Variants in TAS2R1 observed in about 807,000 individuals in gnomAD.
The protein encoded by TAS2R1 is taste receptor type 2 member 1.
For missense variants in TAS2R1, 370 were observed against 353.4 expected, an observed-to-expected ratio of 1.05 and a Z score of -0.38; for synonymous variants, 141 against 134.2, an observed-to-expected ratio of 1.05 and a Z score of -0.35.
chr5:9,800,232 A>G, the TAS2R1 span, among the ~76,000 whole-genome samples: 370 of 152,338 alleles, frequency 2.4e-3, 1 homozygote, highest in African/African-American at 8.6e-3. Context: ...TAACGACAAA[A>G]TTACGCAGCC....
the TAS2R1 span, among the ~76,000 whole-genome samples, chr5:9,718,525 C>T: frequency 6.6e-6 from 1 of 152,042 alleles, no homozygotes; most frequent in Non-Finnish European, 1.5e-5. Context: ...CAGTGGCTCA[C>T]ACCTGTAATC....
the TAS2R1 span, among the ~76,000 whole-genome samples, chr5:9,824,606 G>C: frequency 6.4e-4 from 97 of 152,236 alleles, no homozygotes; most frequent in African/African-American, 2.1e-3. Flanking sequence ...CAGCACTTTG[G>C]GGGGCCGAGG....
intron 1 of TAS2R1, among the ~76,000 whole-genome samples, chr5:9,660,414 T>G (rs1252235434): frequency 6.6e-6 from 1 of 152,032 alleles, no homozygotes; most frequent in Non-Finnish European, 1.5e-5. Context: ...GGGTCAAATA[T>G]GAACTCATTC....
chr5:9,648,401 C>A (rs1310322493), intron 2 of TAS2R1, among the ~76,000 whole-genome samples: 1 of 151,992 alleles, frequency 6.6e-6, no homozygotes, highest in Non-Finnish European at 1.5e-5. Context: ...ATTGTTCCTG[C>A]ATCATTTCAG....
upstream of TAS2R1, among the ~76,000 whole-genome samples, chr5:9,717,222 C>T (rs1734831909): frequency 6.6e-6 from 1 of 152,092 alleles, no homozygotes; most frequent in Non-Finnish European, 1.5e-5. Context: ...TGGGTGGGGC[C>T]AGAAGGGGTG....
chr5:9,850,167 TCCCTC>T, the TAS2R1 span, among the ~76,000 whole-genome samples: 2 of 151,866 alleles, frequency 1.3e-5, no homozygotes, highest in Non-Finnish European at 2.9e-5. Flanking sequence ...AACATCCTCT[TCCCTC>T]CTCTGGGCTT....
At chr5:9,806,070 C>T in the TAS2R1 span, among the ~76,000 whole-genome samples, 1 of 151,920 alleles carries the variant, frequency 6.6e-6, no homozygotes, top group Non-Finnish European at 1.5e-5. Context: ...AAAATTAACG[C>T]ACATAAATCA....
At chr5:9,834,738 ATGT>A in the TAS2R1 span, among the ~76,000 whole-genome samples, 1 of 141,934 alleles carries the variant, frequency 7.0e-6, no homozygotes, top group East Asian at 2.1e-4. Context: ...ATCTCTGTAA[ATGT>A]TATTACTGCA....
At chr5:9,789,391 C>T in the TAS2R1 span, among the ~76,000 whole-genome samples, 8 of 152,264 alleles carry the variant, frequency 5.3e-5, no homozygotes, top group Non-Finnish European at 1.0e-4. Flanking sequence ...GCAGATCCTT[C>T]GACAGATTTA....
At chr5:9,775,140 C>A in the TAS2R1 span, among the ~76,000 whole-genome samples, 4 of 152,040 alleles carry the variant, frequency 2.6e-5, no homozygotes, top group African/African-American at 9.7e-5. Flanking sequence ...GGCACCTAAA[C>A]CAAAAGACAA....
chr5:9,882,239 C>A, the TAS2R1 span, among the ~76,000 whole-genome samples: 1 of 152,020 alleles, frequency 6.6e-6, no homozygotes, highest in Non-Finnish European at 1.5e-5. Flanking sequence ...GGCCATCAAA[C>A]ATATGAAAAA....
At chr5:9,735,661 A>G in the TAS2R1 span, among the ~76,000 whole-genome samples, 2 of 152,188 alleles carry the variant, frequency 1.3e-5, no homozygotes, top group Admixed American at 6.5e-5. Context: ...GGTGAAAACT[A>G]CAGTTGCGAT....
At chr5:9,631,851 ACT>A (rs1739878806), upstream of TAS2R1, among the ~76,000 whole-genome samples, 1 of 152,084 alleles carries the variant, frequency 6.6e-6, no homozygotes, top group African/African-American at 2.4e-5. Flanking sequence ...TCTTGGACTC[ACT>A]CTGTTCTTCC....
chr5:9,790,887 A>C, the TAS2R1 span, among the ~76,000 whole-genome samples: 1 of 151,918 alleles, frequency 6.6e-6, no homozygotes, highest in Non-Finnish European at 1.5e-5. Flanking sequence ...TGATCCACCC[A>C]CTTCTGCCTC....
At chr5:9,819,270 T>C in the TAS2R1 span, among the ~76,000 whole-genome samples, 2 of 152,168 alleles carry the variant, frequency 1.3e-5, no homozygotes, top group African/African-American at 4.8e-5. Context: ...TTGTGGTTCT[T>C]AAAGCAAAGG....
At chr5:9,778,879 G>T in the TAS2R1 span, among the ~76,000 whole-genome samples, 2 of 152,220 alleles carry the variant, frequency 1.3e-5, no homozygotes, top group Non-Finnish European at 2.9e-5. Flanking sequence ...TATCATTCGT[G>T]TGTTCACGGG....
intron 1 of TAS2R1, among the ~76,000 whole-genome samples, chr5:9,701,992 A>G (rs1031717216): frequency 1.3e-5 from 2 of 152,356 alleles, no homozygotes; most frequent in Middle Eastern, 6.8e-3. Context: ...ATAACAAAAC[A>G]GAAGTTAGAT....
At chr5:9,824,393 C>T in the TAS2R1 span, among the ~76,000 whole-genome samples, 1 of 152,228 alleles carries the variant, frequency 6.6e-6, no homozygotes, top group Non-Finnish European at 1.5e-5. Context: ...GTGTTCTGTG[C>T]AATGTCTCAC....
chr5:9,861,037 G>GGTTTTTTTTTTTTTTGTTT, the TAS2R1 span, among the ~76,000 whole-genome samples: 1 of 88,612 alleles, frequency 1.1e-5, no homozygotes, highest in African/African-American at 4.3e-5. Flanking sequence ...GGAAGATGAG[G>GGTTTTTTTTTTTTTTGTTT]TTTTTTTTTT....
Sources: allele counts gnomAD v4.1 joint callset (sites outside exome capture counted in the v4.1 genomes callset), GRCh38; gene constraint gnomAD v4.1.1; transcripts MANE v1.5; gene names NCBI Gene and HGNC (gene_info 2026-07-23, HGNC 2026-07-21).